Variants in CFAP52 observed in about 807,000 individuals in gnomAD.
CFAP52 encodes the protein cilia- and flagella-associated protein 52.
In CFAP52, 57 loss-of-function variants were observed where a neutral mutation model predicts 70.5. That is an observed-to-expected ratio of 0.81 (90% CI 0.65 to 1.01). CFAP52 has a LOEUF of 1.01. CFAP52 is among the 50% of genes least tolerant of loss of function. The pLI is 0.00. For missense variants in CFAP52, 785 were observed against 788.5 expected, an observed-to-expected ratio of 1.00 and a Z score of 0.05; for synonymous variants, 267 against 292.5, an observed-to-expected ratio of 0.91 and a Z score of 0.89.
At position 9,602,051 on chromosome 17, in the gene CFAP52, T is replaced by C. The variant is rs2151937332; in HGVS notation, c.753+1868T>C. Reference sequence around the variant, plus strand: ...AAACTATAGTATAAGTAGAGAAGAGTTTAGAAATAATGCTACAAGAGATTG... The same window carrying C: ...AAACTATAGTATAAGTAGAGAAGAGCTTAGAAATAATGCTACAAGAGATTG... On this transcript the variant is annotated intron_variant, in intron 6 of 13. Coordinates refer to ENST00000352665, the MANE Select transcript of CFAP52 (RefSeq NM_145054.5). Among the ~76,000 whole-genome samples the C allele has an allele frequency of 1.3e-5, 2 of 152,158 alleles. 1 individual carries two copies. Among genetic ancestry groups the C allele is most frequent in the South Asian group, 4.2e-4 (2 of 4,812 alleles).
chr17:9,600,310 T>G (rs765199360), intron 6 of CFAP52, 127 bp downstream of exon 6: 7 of 797,768 alleles, frequency 8.8e-6, no homozygotes, highest in Non-Finnish European at 1.5e-5. Context: ...GACGTGATCT[T>G]GGCTCACTGC....
chr17:9,633,279 G>T (rs764186245), intron 10 of CFAP52, among the ~76,000 whole-genome samples: 55 of 152,116 alleles, frequency 3.6e-4, no homozygotes, highest in Middle Eastern at 3.4e-3. Flanking sequence ...ATCTTGGCTC[G>T]TTACAACCTC....
chr17:9,614,391 G>T (rs917229129), intron 8 of CFAP52, among the ~76,000 whole-genome samples: 46 of 151,864 alleles, frequency 3.0e-4, no homozygotes, highest in African/African-American at 1.1e-3. Flanking sequence ...CCCAACCTCA[G>T]GTGATCCACC....
At chr17:9,596,057 G>GTATATATA (rs1322554543) in intron 4 of CFAP52, among the ~76,000 whole-genome samples, 3 of 103,580 alleles carry the variant, frequency 2.9e-5, no homozygotes, top group East Asian at 3.2e-4. Context: ...ATATATGTGT[G>GTATATATA]TGTATATATA....
chr17:9,596,693 C>T lies in CFAP52; in HGVS notation c.537-1541C>T, dbSNP rs914561913. 2.6e-5 allele frequency among the ~76,000 whole-genome samples: 4 copies of T among 151,600 alleles called. No individual in the cohort carries two copies. The East Asian group carries it at 5.8e-4, about 22-fold the overall frequency. On this transcript the variant is annotated intron_variant, in intron 4 of 13. Transcript: ENST00000352665. ...GAAAAAAACACATTTAAACTTACTCCTCCTCATGGTTGTTGTGTGTGTGTG... is the reference window on the plus strand; with the variant it reads ...GAAAAAAACACATTTAAACTTACTCTTCCTCATGGTTGTTGTGTGTGTGTG...
intron 13 of CFAP52, 94 bp downstream of exon 13, chr17:9,641,929 A>C: frequency 9.3e-7 from 1 of 1,080,466 alleles, no homozygotes. Context: ...AAAGACAACA[A>C]AAGGGTCTCA....
At chr17:9,631,052 G>GAGAAAGAAAGAAAGAAAGAAAGAGAA (rs1910498102) in intron 9 of CFAP52, among the ~76,000 whole-genome samples, 1 of 37,950 alleles carries the variant, frequency 2.6e-5, no homozygotes, top group Non-Finnish European at 4.5e-5. Flanking sequence ...GAGAGAGAGA[G>GAGAAAGAAAGAAAGAAAGAAAGAGAA]AGAAAGAAAG....
chr17:9,635,308 A>G (rs1910722305), intron 10 of CFAP52, 97 bp from the exon 11 acceptor site: 2 of 1,530,456 alleles, frequency 1.3e-6, no homozygotes, highest in African/African-American at 1.4e-5. Flanking sequence ...AAAAACACAA[A>G]TCAAGCATAG....
intron 10 of CFAP52, among the ~76,000 whole-genome samples, chr17:9,634,629 T>C (rs1236858522): frequency 6.6e-6 from 1 of 151,660 alleles, no homozygotes; most frequent in East Asian, 1.9e-4. Flanking sequence ...CCAGGTGTGG[T>C]GGTGCACTCC....
chr17:9,623,458 A>G (rs2151945840), intron 8 of CFAP52, among the ~76,000 whole-genome samples: 1 of 152,284 alleles, frequency 6.6e-6, no homozygotes, highest in Middle Eastern at 3.4e-3. Flanking sequence ...TTAAATCTTT[A>G]TACAAACTCC....
intron 7 of CFAP52, among the ~76,000 whole-genome samples, chr17:9,609,905 A>G (rs1202926589): frequency 1.3e-5 from 2 of 152,012 alleles, no homozygotes; most frequent in African/African-American, 4.8e-5. Context: ...AGCCCCAGAG[A>G]ATGCTGGGAG....
At chr17:9,596,756 C>T (rs1597773712) in intron 4 of CFAP52, among the ~76,000 whole-genome samples, 1 of 151,490 alleles carries the variant, frequency 6.6e-6, no homozygotes. Context: ...GCTCTTGTTG[C>T]CAAGGCTGTA....
intron 8 of CFAP52, among the ~76,000 whole-genome samples, chr17:9,622,544 T>TA (rs766869580): frequency 0.013 from 1,974 of 146,392 alleles, 18 homozygotes; most frequent in Non-Finnish European, 0.02. Flanking sequence ...CTGTTTCTAT[T>TA]AAAAAAAAAA....
At chr17:9,629,491 CTTTCTTTTCT>C (rs200652970) in intron 9 of CFAP52, among the ~76,000 whole-genome samples, 1 of 144,514 alleles carries the variant, frequency 6.9e-6, no homozygotes, top group Non-Finnish European at 1.5e-5. Context: ...TTCTTTCTTT[CTTTCTTTTCT>C]TTTCTTTCTT....
At chr17:9,591,992 C>G (rs1908782976) in intron 3 of CFAP52, among the ~76,000 whole-genome samples, 1 of 152,106 alleles carries the variant, frequency 6.6e-6, no homozygotes, top group Non-Finnish European at 1.5e-5. Context: ...CTCTTATATC[C>G]CCCTCACCTT....
rs1019561673 is a variant in CFAP52 at position 9,596,077 on chromosome 17, A to G, written c.536+1756A>G. 2.6e-3 allele frequency among the ~76,000 whole-genome samples: 364 copies of G among 137,730 alleles called. 8 individuals carry two copies. Among genetic ancestry groups the G allele is most frequent in the African/African-American group, 7.7e-3 (293 of 37,926 alleles). 90.4% of individuals were successfully genotyped at this position (137,730 alleles called of 152,430 possible). A position where few individuals can be genotyped will look rare whatever the true frequency, so the allele number is the denominator to read the frequency against. ...TGTGTGTGTATATATATATATATATATATATATATATATATATATATATAT... is the reference window on the plus strand; with the variant it reads ...TGTGTGTGTATATATATATATATATGTATATATATATATATATATATATAT... On this transcript the variant is annotated intron_variant, in intron 4 of 13. Transcript: ENST00000352665.
At chr17:9,623,357 G>A (rs1204365859) in intron 8 of CFAP52, among the ~76,000 whole-genome samples, 1 of 151,860 alleles carries the variant, frequency 6.6e-6, no homozygotes, top group Non-Finnish European at 1.5e-5. Context: ...CATATACTTG[G>A]TTTTTACTTC....
At chr17:9,599,837 G>A (rs1214544940) in intron 5 of CFAP52, among the ~76,000 whole-genome samples, 1 of 152,004 alleles carries the variant, frequency 6.6e-6, no homozygotes, top group Non-Finnish European at 1.5e-5. Context: ...TGCCTCCTGA[G>A]TTCAAGCGAT....
intron 1 of CFAP52, 87 bp downstream of exon 1, chr17:9,576,852 C>A: frequency 7.2e-7 from 1 of 1,393,234 alleles, no homozygotes. Context: ...ACCGGGGACA[C>A]CTGAAAGGCA....
Sources: allele counts gnomAD v4.1 joint callset (sites outside exome capture counted in the v4.1 genomes callset), GRCh38; gene constraint gnomAD v4.1.1; transcripts MANE v1.5; gene names NCBI Gene and HGNC (gene_info 2026-07-23, HGNC 2026-07-21).